IPO9: variants seen among roughly 807,000 people sequenced by gnomAD.
IPO9 encodes importin-9.
Under a neutral mutation model 128.6 loss-of-function variants are expected in IPO9, and 28 were observed. The observed-to-expected ratio is 0.22, with a 90% CI of 0.16 to 0.30. IPO9 has a LOEUF of 0.30. IPO9 is among the 10% of genes least tolerant of loss of function. IPO9 has a pLI of 1.00. For synonymous variants in IPO9, 455 were observed against 475.8 expected (o/e 0.96, Z 0.57); for missense variants, 935 against 1,293.9 (o/e 0.72, Z 4.26).
chr1:201,859,180 A>AATATATATATATATAT (rs148348918), intron 13 of IPO9, among the ~76,000 whole-genome samples, 186 bp downstream of exon 13: 13 of 83,448 alleles, frequency 1.6e-4, no homozygotes, highest in African/African-American at 4.8e-4. Context: ...CTCAAAGTAT[A>AATATATATATATATAT]ATATATATAT....
At chr1:201,843,351 C>T (rs1389960809) in intron 1 of IPO9, among the ~76,000 whole-genome samples, 1 of 151,996 alleles carries the variant, frequency 6.6e-6, no homozygotes, top group African/African-American at 2.4e-5. Context: ...GTAGTTGCAG[C>T]CCTGGTCCTA....
rs1680158539 is a variant in IPO9, at chr1:201,848,416, A to G, written c.336A>G (p.Leu112=). 3.7e-6 allele frequency: 6 copies of G among 1,614,158 alleles called. No individual in the cohort carries two copies. The highest frequency in any genetic ancestry group is 1.1e-5 in the South Asian group (1 of 91,088). ...TERAKIVIRE[L]LPNGLRESIS... is the part of the protein sequence containing the mutation. Reference sequence around the variant, plus strand: ...AGGCAAAAATTGTTATCCGGGAGCTATTGCCTAATGGGTTGAGAGAATCGA... The same window carrying G: ...AGGCAAAAATTGTTATCCGGGAGCTGTTGCCTAATGGGTTGAGAGAATCGA... The change falls in exon 4 of 24, where the codon CTA becomes CTG. Residue 112 remains leucine, a synonymous_variant. Coordinates refer to ENST00000361565, the MANE Select transcript of IPO9 (RefSeq NM_018085.5).
At chr1:201,871,799 G>A (rs887902676) in intron 19 of IPO9, among the ~76,000 whole-genome samples, 1 of 152,062 alleles carries the variant, frequency 6.6e-6, no homozygotes, top group African/African-American at 2.4e-5. Context: ...ACGCACATAT[G>A]TGAATAGCTG....
intron 14 of IPO9, among the ~76,000 whole-genome samples, chr1:201,866,406 C>G (rs1188047578): frequency 1.3e-5 from 2 of 151,696 alleles, no homozygotes; most frequent in Non-Finnish European, 2.9e-5. Flanking sequence ...AACTTTAAAT[C>G]CTACAGCTAA....
chr1:201,833,239 TTTTTAATTTTA>T (rs1474354017), intron 1 of IPO9, among the ~76,000 whole-genome samples: 2 of 147,864 alleles, frequency 1.4e-5, no homozygotes, highest in African/African-American at 5.3e-5. Context: ...TTTTTTTTTT[TTTTTAATTTTA>T]TTTTTTGAGA....
At chr1:201,833,557 C>T (rs1218915359) in intron 1 of IPO9, among the ~76,000 whole-genome samples, 1 of 152,036 alleles carries the variant, frequency 6.6e-6, no homozygotes, top group Admixed American at 6.6e-5. Flanking sequence ...TTTCTTGAGC[C>T]CCTGTGCTTG....
chr1:201,867,788 A>G (rs1461201222), intron 15 of IPO9, among the ~76,000 whole-genome samples: 2 of 152,150 alleles, frequency 1.3e-5, no homozygotes, highest in Non-Finnish European at 2.9e-5. Context: ...ATTGAAGCTC[A>G]GAAAGATGTA....
At position 201,863,533 on chromosome 1, in the gene IPO9, A is replaced by G. The variant is rs755307433; in HGVS notation, c.1554A>G (p.Leu518=). Residue 518 remains leucine, a synonymous_variant, in exon 14 of 24, where the codon CTA becomes CTG. Coordinates refer to ENST00000361565, the MANE Select transcript of IPO9 (RefSeq NM_018085.5). ...AMSPELIQQF[L]QATVSGLHET... ...CCCCTGAACTGATCCAGCAGTTCCT[A>G]CAGGCAACAGTTAGTGGTCTTCACG... 4.1e-5 allele frequency: 66 copies of G among 1,608,260 alleles called. No individual in the cohort carries two copies. The East Asian group carries it at 8.3e-4, about 20-fold the overall frequency.
chr1:201,872,060 C>T (rs1680662944), intron 19 of IPO9, among the ~76,000 whole-genome samples: 1 of 152,104 alleles, frequency 6.6e-6, no homozygotes. Context: ...CATGGTGAAA[C>T]ACTGTCTCTA....
At chr1:201,842,833 C>G (rs1346211191) in intron 1 of IPO9, among the ~76,000 whole-genome samples, 1 of 152,122 alleles carries the variant, frequency 6.6e-6, no homozygotes, top group Non-Finnish European at 1.5e-5. Context: ...TGTGAGGTTG[C>G]AAAAGCAGAA....
intron 4 of IPO9, among the ~76,000 whole-genome samples, chr1:201,851,462 GTT>G (rs757044452): frequency 2.8e-5 from 4 of 141,758 alleles, no homozygotes; most frequent in African/African-American, 5.2e-5. Context: ...GGTGTATTTG[GTT>G]TTTTTTTTTT....
intron 1 of IPO9, among the ~76,000 whole-genome samples, chr1:201,846,695 G>A (rs1320665183): frequency 1.3e-5 from 2 of 151,566 alleles, no homozygotes; most frequent in African/African-American, 4.9e-5. Flanking sequence ...TTGAGATAGA[G>A]TTTTGCTCTT....
chr1:201,863,370 A>G (rs780524829), intron 13 of IPO9, 78 bp from the exon 14 acceptor site: 1 of 1,419,094 alleles, frequency 7.0e-7, no homozygotes, highest in Non-Finnish European at 9.5e-7. Context: ...AAAATTGAGG[A>G]ATGAATGTGG....
Position 201,848,495 on chromosome 1 carries a change from G to A in IPO9, c.415G>A (p.Asp139Asn). The A allele has an allele frequency of 6.2e-7, 1 of 1,614,202 alleles. No homozygotes were observed. Among genetic ancestry groups the A allele is most frequent in the Non-Finnish European group, 8.5e-7 (1 of 1,180,036 alleles). ...AYAVSAIAHWDWPEAWPQLFN... is the reference protein window; with the variant it reads ...AYAVSAIAHWNWPEAWPQLFN... ...TGCAGTGTCAGCCATTGCCCACTGG[G>A]ACTGGCCTGAAGCTTGGCCCCAACT... Residue 139 changes from aspartate (D) to asparagine (N), a missense_variant, in exon 4 of 24, where the codon GAC (aspartate) becomes AAC (asparagine). By Grantham distance (23) the Asp-to-Asn change is conservative. Coordinates refer to ENST00000361565, the MANE Select transcript of IPO9 (RefSeq NM_018085.5).
chr1:201,866,072 T>TA (rs1358098932), intron 14 of IPO9, among the ~76,000 whole-genome samples: 1 of 152,246 alleles, frequency 6.6e-6, no homozygotes, highest in African/African-American at 2.4e-5. Context: ...TAACTTGTGT[T>TA]ACTCCTAACA....
At position 201,870,853 on chromosome 1, in the gene IPO9, A is replaced by T; in HGVS notation, c.2404A>T (p.Met802Leu). The T allele has an allele frequency of 6.2e-7, 1 of 1,610,418 alleles. No individual in the cohort carries two copies. Among genetic ancestry groups the T allele is most frequent in the South Asian group, 1.1e-5 (1 of 91,038 alleles). ...GCAGCAGGCAGAGACGCTCAGTGTC[A>T]TGCAGGTAAGAGAGCAGTGGGGAGT... Reference protein sequence around the residue: ...KMQQAETLSVMQSLIMVFAHL... With the variant: ...KMQQAETLSVLQSLIMVFAHL... The change falls in exon 18 of 24, where the codon ATG becomes TTG. Residue 802 changes from methionine to leucine, a missense_variant. Physicochemically the swap from Met to Leu is conservative, Grantham distance 15. This residue lies in a region of IPO9 where 741 missense variants were observed against 1,019.1 expected (regional missense o/e 0.73). Transcript: ENST00000361565. The surrounding 1 kb of genome is among the most constrained non-coding windows in gnomAD (Gnocchi z 4.9).
At position 201,876,501 on chromosome 1, in the gene IPO9, A is replaced by G. The variant is rs943066127; in HGVS notation, c.*447A>G. The G allele has an allele frequency of 1.8e-5, 5 of 280,556 alleles. No individual in the cohort carries two copies. The highest frequency in any genetic ancestry group is 6.6e-5 in the African/African-American group (3 of 45,516). The allele number at this position is 280,556 out of a possible 1,614,324, so 17.4% of individuals were successfully genotyped here. On this transcript the variant is annotated 3_prime_UTR_variant, in exon 24 of 24. Coordinates refer to ENST00000361565, the MANE Select transcript of IPO9 (RefSeq NM_018085.5). The stretch of plus-strand genomic sequence containing the variant: ...GTTCAGATAGGAATCCTCATGAGAG[A>G]TCATTATGCTTTGTGCCCTGGACCA...
intron 14 of IPO9, among the ~76,000 whole-genome samples, chr1:201,865,274 T>C (rs1405492791): frequency 6.6e-6 from 1 of 150,968 alleles, no homozygotes; most frequent in Non-Finnish European, 1.5e-5. Context: ...AGTGGCGCGA[T>C]CTCGGCTCAC....
At chr1:201,831,673 A>G (rs1571534754) in intron 1 of IPO9, among the ~76,000 whole-genome samples, 1 of 152,134 alleles carries the variant, frequency 6.6e-6, no homozygotes, top group African/African-American at 2.4e-5. Context: ...ACATGGTGCA[A>G]TATAGTAGCT....
Sources: gnomAD v4.1 joint callset for allele counts (sites outside exome capture counted in the v4.1 genomes callset) on GRCh38, gnomAD v4.1.1 for gene constraint, gnomAD v4.1.1 regional missense constraint, Gnocchi (gnomAD v3.1) non-coding constraint, MANE v1.5 for transcripts, NCBI Gene and HGNC (gene_info 2026-07-23, HGNC 2026-07-21) for gene names.